The following LATS1 variants were observed in gnomAD, a reference collection of about 807,000 sequenced individuals.
LATS1 encodes the protein large tumor suppressor kinase 1.
LATS1 carries 25 observed loss-of-function variants against 106.6 expected under a neutral mutation model. The observed-to-expected ratio is 0.23, with a 90% CI of 0.17 to 0.33. The LOEUF (loss-of-function observed/expected upper bound fraction) is 0.33, where lower values mean the gene tolerates loss of function less well. Ranked by LOEUF, LATS1 falls within the 10% of genes least tolerant of loss-of-function variation. LATS1 has a pLI of 1.00. For missense variants in LATS1, 1,040 were observed against 1,382.6 expected, an observed-to-expected ratio of 0.75 and a Z score of 3.93; for synonymous variants, 465 against 455.6, an observed-to-expected ratio of 1.02 and a Z score of -0.26.
In LATS1 at chr6:149,661,143, C is replaced by T; in HGVS notation, c.*586G>A. On this transcript the variant is annotated 3_prime_UTR_variant, in exon 8 of 8. Coordinates refer to ENST00000543571, the MANE Select transcript of LATS1 (RefSeq NM_004690.4). ...GGGGGAAGATAAATGCATTATTTTT[C>T]CTTCTGACAAACATATTAATATTTT... 1 of 212,604 alleles carries T rather than the reference C, an allele frequency of 4.7e-6. No homozygotes were observed. Among genetic ancestry groups the T allele is most frequent in the Non-Finnish European group, 9.4e-6 (1 of 105,898 alleles). 13.2% of individuals were successfully genotyped at this position (212,604 alleles called of 1,614,324 possible).
intron 1 of LATS1, 196 bp from the exon 2 acceptor site, chr6:149,702,462 C>A: frequency 1.5e-5 from 3 of 197,460 alleles, no homozygotes; most frequent in African/African-American, 2.3e-5. Context: ...AGATTTACCT[C>A]AAATCGTAGC....
At chr6:149,705,240 TTTC>T (rs1783697848) in intron 1 of LATS1, among the ~76,000 whole-genome samples, 1 of 152,186 alleles carries the variant, frequency 6.6e-6, no homozygotes, top group Non-Finnish European at 1.5e-5. Context: ...CCTAAAGCAT[TTTC>T]TTTTCTAAGC....
intron 2 of LATS1, among the ~76,000 whole-genome samples, chr6:149,695,676 G>GA (rs59803714): frequency 0.067 from 8,984 of 134,124 alleles, 318 homozygotes; most frequent in Non-Finnish European, 0.075. Context: ...TGCTGTCTTG[G>GA]AAAAAAAAAA....
At chr6:149,705,584 CAGAGAG>C (rs140872506) in intron 1 of LATS1, among the ~76,000 whole-genome samples, 1 of 148,050 alleles carries the variant, frequency 6.8e-6, no homozygotes, top group East Asian at 2.0e-4. Flanking sequence ...ATCATTCTGA[CAGAGAG>C]AGAGAGAGAA....
chr6:149,716,155 A>G (rs1265810973), intron 1 of LATS1: 1 of 152,058 alleles, frequency 6.6e-6, no homozygotes, highest in Non-Finnish European at 1.5e-5. Flanking sequence ...ATACCATTAC[A>G]TAAGATTTCA....
chr6:149,694,239 G>A (rs1265997708), intron 3 of LATS1, among the ~76,000 whole-genome samples: 2 of 152,158 alleles, frequency 1.3e-5, no homozygotes, highest in African/African-American at 4.8e-5. Context: ...GGTAATTACT[G>A]CAGTGCTGTC....
intron 3 of LATS1, among the ~76,000 whole-genome samples, chr6:149,688,463 C>T (rs546933694): frequency 6.6e-6 from 1 of 152,044 alleles, no homozygotes; most frequent in Non-Finnish European, 1.5e-5. Flanking sequence ...CGCCCACCAC[C>T]ACGCCTGGCT....
intron 7 of LATS1, among the ~76,000 whole-genome samples, chr6:149,663,844 G>A (rs909211885): frequency 6.8e-6 from 1 of 147,166 alleles, no homozygotes; most frequent in African/African-American, 2.5e-5. Flanking sequence ...GTCTTGCTCT[G>A]TCGCCCAGGA....
intron 1 of LATS1, among the ~76,000 whole-genome samples, chr6:149,706,397 C>A (rs1013416031): frequency 6.6e-6 from 1 of 151,532 alleles, no homozygotes; most frequent in African/African-American, 2.4e-5. Flanking sequence ...GTGGTACCAG[C>A]TGCTCAGGTG....
At chr6:149,676,529 G>A (rs1462988090) in intron 6 of LATS1, 26 bp downstream of exon 6, 11 of 1,605,234 alleles carry the variant, frequency 6.9e-6, no homozygotes, top group Non-Finnish European at 6.8e-6. Context: ...GGTCTACTGA[G>A]AATATATATG....
chr6:149,674,846 A>C (rs1261206417), intron 7 of LATS1, among the ~76,000 whole-genome samples: 2 of 152,112 alleles, frequency 1.3e-5, no homozygotes, highest in African/African-American at 2.4e-5. Flanking sequence ...CAGAGGTTGC[A>C]TGAGAGGAGA....
At chr6:149,711,953 G>A (rs1035917893) in intron 1 of LATS1, among the ~76,000 whole-genome samples, 5 of 152,144 alleles carry the variant, frequency 3.3e-5, no homozygotes, top group African/African-American at 1.2e-4. Context: ...GGGAGATAGA[G>A]AGGAGACACA....
intron 7 of LATS1, among the ~76,000 whole-genome samples, chr6:149,662,988 GAA>G (rs1266359576): frequency 4.4e-4 from 58 of 130,544 alleles, no homozygotes; most frequent in African/African-American, 1.6e-3. Flanking sequence ...AAAAAAAAAA[GAA>G]AAATCTCTGG....
intron 1 of LATS1, among the ~76,000 whole-genome samples, chr6:149,717,103 T>C (rs1465587456): frequency 6.6e-6 from 1 of 152,242 alleles, no homozygotes; most frequent in Non-Finnish European, 1.5e-5. Context: ...TTCACTAGAT[T>C]TATGAATAAC....
chr6:149,663,275 A>T (rs1237038705), intron 7 of LATS1, among the ~76,000 whole-genome samples: 1 of 152,098 alleles, frequency 6.6e-6, no homozygotes, highest in Non-Finnish European at 1.5e-5. Context: ...TTGAGCCCAG[A>T]AGTTCAAGAC....
In LATS1 at chr6:149,700,363, C is replaced by T. The variant is rs373269665; in HGVS notation, c.348+1416G>A. On this transcript the variant is annotated intron_variant, in intron 2 of 7. Transcript: ENST00000543571. ...TGGTGGGCGCCTATAGTCCCAGCTA[C>T]TCGGGAGGCTGAGGCAGGAGAATTG... 1.0e-3 allele frequency among the ~76,000 whole-genome samples: 159 copies of T among 152,128 alleles called. 1 individual carries two copies. In the South Asian group the frequency reaches 0.017, roughly 16 times the overall value.
intron 2 of LATS1, among the ~76,000 whole-genome samples, chr6:149,699,137 G>C (rs1783291513): frequency 6.7e-6 from 1 of 150,096 alleles, no homozygotes; most frequent in South Asian, 2.1e-4. Context: ...TGATAAAAAA[G>C]AATGAAGTGA....
At position 149,683,534 on chromosome 6, in the gene LATS1, A is replaced by G. The variant is rs747183916; in HGVS notation, c.1555T>C (p.Trp519Arg). ...ACAGTTTGAATTGGCTGTGGTATCC[A>G]AGAAGGGTGTGTAGGTGCTAAAGCA... ...QTALAPTHPS[W>R]IPQPIQTVQP... The change falls in exon 4 of 8, where the codon TGG becomes CGG. Residue 519 changes from tryptophan to arginine, a missense_variant. Coordinates refer to ENST00000543571, the MANE Select transcript of LATS1 (RefSeq NM_004690.4). 5.0e-6 allele frequency: 8 copies of G among 1,614,240 alleles called. No homozygotes were observed. In the South Asian group the frequency reaches 8.8e-5, roughly 18 times the overall value.
chr6:149,711,279 T>C (rs894803700), intron 1 of LATS1, among the ~76,000 whole-genome samples: 7 of 151,080 alleles, frequency 4.6e-5, no homozygotes, highest in Non-Finnish European at 7.4e-5. Flanking sequence ...GCACGGTGCC[T>C]CACACCTGTA....
Sources: gnomAD v4.1 joint callset for allele counts (sites outside exome capture counted in the v4.1 genomes callset) on GRCh38, gnomAD v4.1.1 for gene constraint, MANE v1.5 for transcripts, NCBI Gene and HGNC (gene_info 2026-07-23, HGNC 2026-07-21) for gene names.